The following FAT1 variants were observed in gnomAD, a reference collection of about 807,000 sequenced individuals.
FAT1 encodes protocadherin Fat 1.
A neutral mutation model predicts 329.8 loss-of-function variants in FAT1; 171 were observed. The observed-to-expected ratio is 0.52, with a 90% CI of 0.46 to 0.59. The LOEUF is 0.59. FAT1 is among the 20% of genes least tolerant of loss of function. FAT1 has a pLI of 0.00. For missense variants in FAT1, 5,672 were observed against 5,774.4 expected (o/e 0.98, Z 0.57); for synonymous variants, 2,233 against 2,228.6 (o/e 1.00, Z -0.06).
chr4:186,647,061 C>T (rs1003092268), intron 3 of FAT1, among the ~76,000 whole-genome samples: 2 of 152,192 alleles, frequency 1.3e-5, no homozygotes, highest in African/African-American at 4.8e-5. Context: ...GTTCACTGTG[C>T]ACTGTCATTC....
At chr4:186,715,074 T>C (rs532175438) in intron 1 of FAT1, among the ~76,000 whole-genome samples, 29 of 134,812 alleles carry the variant, frequency 2.2e-4, no homozygotes, top group Non-Finnish European at 2.5e-4. Flanking sequence ...CAAGACTCTG[T>C]CTCAAAAACA....
At chr4:186,692,278 C>G (rs1157491363) in intron 2 of FAT1, among the ~76,000 whole-genome samples, 1 of 152,028 alleles carries the variant, frequency 6.6e-6, no homozygotes, top group Non-Finnish European at 1.5e-5. Flanking sequence ...TAGCAAAATA[C>G]TAAGTGGTAT....
rs1738110418 is a variant in FAT1 at position 186,589,088 on chromosome 4, T to C, written c.13271A>G (p.Tyr4424Cys). The C allele has an allele frequency of 1.9e-6, 3 of 1,613,880 alleles. No homozygotes were observed. The highest frequency in any genetic ancestry group is 1.3e-5 in the African/African-American group (1 of 75,012). ...SADPNAIDTD[Y>C]YPGGYDIESD... Reference sequence around the variant, plus strand: ...TTCGATGTCGTAGCCTCCAGGGTAATAGTCCGTATCGATGGCGTTTGGATC... The same window carrying C: ...TTCGATGTCGTAGCCTCCAGGGTAACAGTCCGTATCGATGGCGTTTGGATC... The change falls in exon 27 of 27, where the codon TAT becomes TGT. Residue 4424 changes from tyrosine (Y) to cysteine (C), a missense_variant. Around this residue, in one of 2 missense-constraint regions of FAT1, gnomAD observed 1,706 missense variants for 1,859.1 expected, o/e 0.92. Coordinates refer to ENST00000441802, the MANE Select transcript of FAT1 (RefSeq NM_005245.4).
At position 186,708,550 on chromosome 4, in the gene FAT1, A is replaced by C. The variant is rs1020028299; in HGVS notation, c.1278T>G (p.Val426=). The change falls in exon 2 of 27, where the codon GTT becomes GTG. Residue 426 remains valine (V), a synonymous_variant. Transcript: ENST00000441802. Reference sequence around the variant, plus strand: ...CAAAATGGGCTGCCTGCTGTCTTTTAACTGGTTCTAAAATAGAAATGAGAC... The same window carrying C: ...CAAAATGGGCTGCCTGCTGTCTTTTCACTGGTTCTAAAATAGAAATGAGAC... ...NTGLISILEP[V]KRQQAAHFEL... is the part of the protein sequence containing the mutation. 6.2e-7 allele frequency: 1 copy of C among 1,613,880 alleles called. No individual in the cohort carries two copies. Among genetic ancestry groups the C allele is most frequent in the African/African-American group, 1.3e-5 (1 of 74,924 alleles).
chr4:186,619,821 G>A lies in FAT1; in HGVS notation c.6765C>T (p.Arg2255=), dbSNP rs941989990. The change falls in exon 10 of 27, where the codon CGC becomes CGT. Residue 2255 remains arginine, a synonymous_variant. Transcript: ENST00000441802. Reference sequence around the variant, plus strand: ...GAGCGCCCGTCAAGGAGTCAGTTGCGCGTATGCTCAGCTTATATGCCGGGT... The same window carrying A: ...GAGCGCCCGTCAAGGAGTCAGTTGCACGTATGCTCAGCTTATATGCCGGGT... ...EAHPAYKLSI[R]ATDSLTGAHA... is the part of the protein sequence containing the mutation. 24 of 1,613,862 alleles carry A rather than the reference G, an allele frequency of 1.5e-5. No individual in the cohort carries two copies. The highest frequency in any genetic ancestry group is 4.5e-5 in the East Asian group (2 of 44,888).
intron 10 of FAT1, 126 bp from the exon 11 acceptor site, chr4:186,617,327 T>C (rs1560937438): frequency 5.5e-6 from 4 of 727,740 alleles, no homozygotes; most frequent in Non-Finnish European, 8.3e-6. Flanking sequence ...ATTAAAAGAA[T>C]TAATTTGGCA....
intron 3 of FAT1, among the ~76,000 whole-genome samples, chr4:186,641,827 C>T (rs990289762): frequency 1.3e-5 from 2 of 151,816 alleles, no homozygotes; most frequent in Non-Finnish European, 2.9e-5. Flanking sequence ...GCCAACATGG[C>T]GAAACCCTGT....
chr4:186,618,846 G>A lies in FAT1; in HGVS notation c.7740C>T (p.Cys2580=), dbSNP rs2126499590. ...AKDAGGKVAF[C]TVNVILTDDN... Reference sequence around the variant, plus strand: ...CATCTGTAAGGATGACATTCACGGTGCAGAAAGCAACTTTTCCTCCAGCAT... The same window carrying A: ...CATCTGTAAGGATGACATTCACGGTACAGAAAGCAACTTTTCCTCCAGCAT... Residue 2580 remains cysteine (C), a synonymous_variant, in exon 10 of 27, where the codon TGC becomes TGT. Coordinates refer to ENST00000441802, the MANE Select transcript of FAT1 (RefSeq NM_005245.4). 1 of 1,614,022 alleles carries A rather than the reference G, an allele frequency of 6.2e-7. No homozygotes were observed. The highest frequency in any genetic ancestry group is 8.5e-7 in the Non-Finnish European group (1 of 1,179,890).
chr4:186,710,096 A>G (rs1321574323), intron 1 of FAT1, among the ~76,000 whole-genome samples: 1 of 152,212 alleles, frequency 6.6e-6, no homozygotes, highest in Non-Finnish European at 1.5e-5. Flanking sequence ...TCATATTTAA[A>G]CGACTCAAAA....
At chr4:186,640,892 G>T (rs6820953) in intron 3 of FAT1, among the ~76,000 whole-genome samples, 1 of 152,070 alleles carries the variant, frequency 6.6e-6, no homozygotes, top group Non-Finnish European at 1.5e-5. Flanking sequence ...CTGCACCTCC[G>T]ACCTTAAAAC....
chr4:186,712,307 G>A (rs926771893), intron 1 of FAT1, among the ~76,000 whole-genome samples: 28 of 152,288 alleles, frequency 1.8e-4, no homozygotes, highest in Middle Eastern at 3.4e-3. Context: ...CTGGAGAACC[G>A]GTAGAGAAAC....
intron 26 of FAT1, among the ~76,000 whole-genome samples, chr4:186,591,529 C>T (rs1002493519): frequency 1.3e-5 from 2 of 152,208 alleles, no homozygotes; most frequent in African/African-American, 2.4e-5. Flanking sequence ...ACTTTAAATT[C>T]CATGTGCACT....
At chr4:186,696,473 A>C (rs968990756) in intron 2 of FAT1, among the ~76,000 whole-genome samples, 1 of 152,214 alleles carries the variant, frequency 6.6e-6, no homozygotes, top group Non-Finnish European at 1.5e-5. Context: ...CACAGGATCT[A>C]TGAAAAGATG....
rs1405775212 is a variant in FAT1 at position 186,610,693 on chromosome 4, A to ATTTATATAAATATAAATTTATATAT, written c.9854-679_9854-678insATATATAAATTTATATTTATATAAA. On this transcript the variant is annotated intron_variant, in intron 14 of 26. Transcript: ENST00000441802. ...AATTTATATAAATATAAATTATATA[A>ATTTATATAAATATAAATTTATATAT]TTTATATAAATATAAATTTATATAA... 1.4e-4 allele frequency among the ~76,000 whole-genome samples: 9 copies of ATTTATATAAATATAAATTTATATAT among 65,416 alleles called. No homozygotes were observed. The East Asian group carries it at 7.1e-3, about 51-fold the overall frequency. The allele number at this position is 65,416 out of a possible 152,430, so 42.9% of individuals were successfully genotyped here. A position where few individuals can be genotyped will look rare whatever the true frequency, so the allele number is the denominator to read the frequency against.
chr4:186,595,915 C>G (rs1045711260), intron 25 of FAT1, 89 bp from the exon 26 acceptor site: 3 of 1,345,300 alleles, frequency 2.2e-6, no homozygotes, highest in Non-Finnish European at 3.1e-6. Flanking sequence ...CATTACCCAA[C>G]GATGGCCTGA....
intron 2 of FAT1, among the ~76,000 whole-genome samples, chr4:186,704,247 C>T (rs1288725399): frequency 1.3e-5 from 2 of 152,252 alleles, no homozygotes; most frequent in East Asian, 1.9e-4. Flanking sequence ...AACACCTCCC[C>T]GCCTCCCACT....
intron 1 of FAT1, among the ~76,000 whole-genome samples, chr4:186,720,752 T>C (rs2126723374): frequency 6.6e-6 from 1 of 152,334 alleles, no homozygotes; most frequent in Middle Eastern, 3.4e-3. Context: ...GGCCCAATGT[T>C]TGACACAGAG....
chr4:186,637,616 C>G (rs775842799), intron 4 of FAT1, among the ~76,000 whole-genome samples: 1 of 152,164 alleles, frequency 6.6e-6, no homozygotes, highest in East Asian at 1.9e-4. Flanking sequence ...ATCAGAGAGT[C>G]TTGAGGACTG....
intron 5 of FAT1, 55 bp from the exon 6 acceptor site, chr4:186,636,290 G>T (rs577283504): frequency 2.0e-6 from 3 of 1,492,998 alleles, no homozygotes; most frequent in Non-Finnish European, 2.8e-6. Flanking sequence ...TTACAACCCA[G>T]AAATGAATGA....
Sources: allele counts gnomAD v4.1 joint callset (sites outside exome capture counted in the v4.1 genomes callset), GRCh38; gene constraint gnomAD v4.1.1; regional missense constraint gnomAD v4.1.1; transcripts MANE v1.5; gene names NCBI Gene and HGNC (gene_info 2026-07-23, HGNC 2026-07-21).